RTL4: variants seen among roughly 807,000 people sequenced by gnomAD.
RTL4 encodes retrotransposon Gag like 4, also known as retrotransposon Gag-like protein 4.
Under a neutral mutation model 5.3 loss-of-function variants are expected in RTL4, and 4 were observed. The ratio of observed to expected loss-of-function variants is 0.75; its 90% CI spans 0.37 to 1.72. RTL4 has a LOEUF of 1.72. Among genes scored for constraint, RTL4 ranks in the 40% most tolerant of loss-of-function variants. The pLI, the probability that RTL4 is intolerant of heterozygous loss-of-function variation, is 0.04. For synonymous variants in RTL4, 98 were observed against 87.3 expected, an observed-to-expected ratio of 1.12 and a Z score of -0.68; for missense variants, 260 against 227.1, an observed-to-expected ratio of 1.14 and a Z score of -0.93.
At chrX:112,099,184 A>T in the RTL4 span, among the ~76,000 whole-genome samples, 2 of 112,104 alleles carry the variant, frequency 1.8e-5, no homozygotes, top group Non-Finnish European at 3.8e-5. Flanking sequence ...AAACAAATTT[A>T]CCAGAAAAAA....
chrX:112,266,559 C>A, the RTL4 span, among the ~76,000 whole-genome samples: 1 of 111,339 alleles, frequency 9.0e-6, no homozygotes, highest in East Asian at 2.8e-4. Flanking sequence ...GTGAGGAATT[C>A]CCCTGCCAGA....
At chrX:112,334,190 A>G in the RTL4 span, among the ~76,000 whole-genome samples, 1 of 111,477 alleles carries the variant, frequency 9.0e-6, no homozygotes, top group African/African-American at 3.3e-5. Flanking sequence ...CATTTTCTTT[A>G]TCCATTTATC....
At chrX:112,444,240 A>T in the RTL4 span, among the ~76,000 whole-genome samples, 1 of 111,722 alleles carries the variant, frequency 9.0e-6, no homozygotes, top group South Asian at 3.8e-4. Context: ...TTTGTGAAAA[A>T]TGAACTCACT....
chrX:112,325,207 G>A, the RTL4 span, among the ~76,000 whole-genome samples: 2 of 111,656 alleles, frequency 1.8e-5, no homozygotes, highest in Admixed American at 9.5e-5. Context: ...TCAATATCGT[G>A]AAAATGGCCA....
chrX:112,446,370 T>C, the RTL4 span, among the ~76,000 whole-genome samples: 4 of 111,908 alleles, frequency 3.6e-5, no homozygotes, highest in African/African-American at 1.3e-4. Flanking sequence ...CTCAAGGGTC[T>C]CCAAGGCTAC....
the RTL4 span, among the ~76,000 whole-genome samples, chrX:112,099,892 G>A: frequency 2.7e-5 from 3 of 111,439 alleles, no homozygotes; most frequent in African/African-American, 9.8e-5. Context: ...ATTTGAGGTA[G>A]GATTGACAAG....
the RTL4 span, among the ~76,000 whole-genome samples, chrX:112,274,393 CT>C: frequency 1.8e-5 from 2 of 111,962 alleles, no homozygotes; most frequent in South Asian, 7.4e-4. Flanking sequence ...GTTATAAACA[CT>C]TTAGGGGATT....
chrX:112,454,422 A>C, upstream of RTL4: 1 of 202,679 alleles, frequency 4.9e-6, no homozygotes, highest in East Asian at 8.9e-5. Flanking sequence ...AGAGAAAGGT[A>C]CTGTGACTGT....
At chrX:112,431,222 C>T in the RTL4 span, among the ~76,000 whole-genome samples, 1 of 106,480 alleles carries the variant, frequency 9.4e-6, no homozygotes, top group South Asian at 4.2e-4. Context: ...GAAGATTAGG[C>T]TTTGGTACAA....
At chrX:112,271,049 G>GAAAAAAAAAAA in the RTL4 span, among the ~76,000 whole-genome samples, 1 of 60,871 alleles carries the variant, frequency 1.6e-5, no homozygotes, top group African/African-American at 5.4e-5. Flanking sequence ...CCTGGAGACA[G>GAAAAAAAAAAA]AAAAAAAAAA....
the RTL4 span, among the ~76,000 whole-genome samples, chrX:112,269,667 G>A: frequency 8.9e-6 from 1 of 111,977 alleles, no homozygotes; most frequent in African/African-American, 3.2e-5. Flanking sequence ...GATAAAGACT[G>A]GGCCTAACCA....
At chrX:112,270,392 T>C in the RTL4 span, among the ~76,000 whole-genome samples, 4 of 112,206 alleles carry the variant, frequency 3.6e-5, no homozygotes, top group Non-Finnish European at 7.5e-5. Flanking sequence ...AACAAATGAC[T>C]TTTGGATTAA....
chrX:112,225,648 C>G, the RTL4 span, among the ~76,000 whole-genome samples: 1 of 111,452 alleles, frequency 9.0e-6, no homozygotes, highest in Non-Finnish European at 1.9e-5. Flanking sequence ...GAGGCAGGCT[C>G]TTATTAAAAT....
the RTL4 span, among the ~76,000 whole-genome samples, chrX:112,307,028 G>A: frequency 9.0e-6 from 1 of 111,184 alleles, no homozygotes; most frequent in Non-Finnish European, 1.9e-5. Context: ...TTTTTTTCAT[G>A]TTGGCATTCC....
chrX:112,186,988 G>A, the RTL4 span, among the ~76,000 whole-genome samples: 9 of 111,674 alleles, frequency 8.1e-5, no homozygotes, highest in Non-Finnish European at 1.5e-4. Flanking sequence ...TTTCTCCCAG[G>A]TTGATGTTAG....
chrX:112,260,708 C>T, the RTL4 span, among the ~76,000 whole-genome samples: 1 of 111,574 alleles, frequency 9.0e-6, no homozygotes, highest in Non-Finnish European at 1.9e-5. Context: ...CACATAAGGC[C>T]GCTGCTTTCT....
the RTL4 span, among the ~76,000 whole-genome samples, chrX:112,364,043 A>T: frequency 8.9e-6 from 1 of 112,252 alleles, no homozygotes; most frequent in Non-Finnish European, 1.9e-5. Flanking sequence ...TCACACAATA[A>T]CATGTATGTC....
chrX:112,236,497 A>C, the RTL4 span, among the ~76,000 whole-genome samples: 5 of 76,504 alleles, frequency 6.5e-5, no homozygotes, highest in African/African-American at 2.4e-4. Flanking sequence ...ATATCTATAT[A>C]TAGATATAGA....
At chrX:112,134,531 C>T in the RTL4 span, among the ~76,000 whole-genome samples, 1 of 112,151 alleles carries the variant, frequency 8.9e-6, no homozygotes, top group East Asian at 2.8e-4. Context: ...TTCCACTGAA[C>T]TCCCATAGTA....
Sources: allele counts gnomAD v4.1 joint callset (sites outside exome capture counted in the v4.1 genomes callset), GRCh38; gene constraint gnomAD v4.1.1; transcripts MANE v1.5; gene names NCBI Gene and HGNC (gene_info 2026-07-23, HGNC 2026-07-21).